The following PPFIA1 variants were observed in gnomAD, a reference collection of about 807,000 sequenced individuals.
PPFIA1 encodes PPFI scaffold protein A1, also known as liprin-alpha-1.
In PPFIA1, 25 loss-of-function variants were observed where a neutral mutation model predicts 149.9. That is an observed-to-expected ratio of 0.17 (90% CI 0.12 to 0.23). The LOEUF (loss-of-function observed/expected upper bound fraction) is 0.23, where lower values mean the gene tolerates loss of function less well. Among genes scored for constraint, PPFIA1 ranks in the 10% least tolerant of loss-of-function variants. The pLI is 1.00. For missense variants in PPFIA1, 1,362 were observed against 1,506.5 expected, an observed-to-expected ratio of 0.90 and a Z score of 1.59; for synonymous variants, 549 against 552.8, an observed-to-expected ratio of 0.99 and a Z score of 0.10.
intron 14 of PPFIA1, among the ~76,000 whole-genome samples, chr11:70,341,346 A>G (rs1365884347): frequency 1.3e-5 from 2 of 151,920 alleles, no homozygotes; most frequent in Admixed American, 1.3e-4. Context: ...TGTTCAGTGT[A>G]TTGTTATGGA....
intron 11 of PPFIA1, 98 bp downstream of exon 11, chr11:70,335,792 C>T: frequency 1.4e-6 from 2 of 1,381,086 alleles, no homozygotes; most frequent in South Asian, 2.5e-5. Context: ...TGGTTAGCAG[C>T]TGTTACCGAA....
At chr11:70,280,791 C>G (rs2050716317) in intron 2 of PPFIA1, among the ~76,000 whole-genome samples, 1 of 152,168 alleles carries the variant, frequency 6.6e-6, no homozygotes, top group Non-Finnish European at 1.5e-5. Flanking sequence ...TGTTCTTAAA[C>G]TCCTGACCTC....
chr11:70,376,708 T>C, intron 25 of PPFIA1, 108 bp downstream of exon 25: 1 of 958,954 alleles, frequency 1.0e-6, no homozygotes, highest in South Asian at 1.4e-5. Context: ...ATCATGTAGC[T>C]AGGCAGTCTC....
chr11:70,296,359 G>T (rs1244989914), intron 2 of PPFIA1, among the ~76,000 whole-genome samples: 1 of 152,058 alleles, frequency 6.6e-6, no homozygotes, highest in African/African-American at 2.4e-5. Context: ...GTAGCGAGCC[G>T]AGATCACGCC....
chr11:70,280,108 A>G (rs1359062029), intron 2 of PPFIA1, among the ~76,000 whole-genome samples: 1 of 151,902 alleles, frequency 6.6e-6, no homozygotes, highest in Non-Finnish European at 1.5e-5. Context: ...GGGTTTTGCC[A>G]TGTTGCACAG....
At chr11:70,382,916 A>G (rs1591412537) in intron 27 of PPFIA1, 87 bp from the exon 28 acceptor site, 1 of 349,362 alleles carries the variant, frequency 2.9e-6, no homozygotes, top group Non-Finnish European at 5.3e-6. Flanking sequence ...TGTCGGGGGG[A>G]CGTTTGGGCC....
intron 11 of PPFIA1, 75 bp from the exon 12 acceptor site, chr11:70,337,290 T>TA: frequency 2.0e-6 from 2 of 1,000,914 alleles, no homozygotes; most frequent in South Asian, 1.8e-5. Context: ...TTTTTTTTTT[T>TA]AAACGAATAC....
Position 70,325,508 on chromosome 11 carries a change from G to A in PPFIA1, c.540G>A (p.Glu180=). The A allele has an allele frequency of 1.3e-6, 2 of 1,585,252 alleles. No individual in the cohort carries two copies. The highest frequency in any genetic ancestry group is 1.1e-5 in the South Asian group (1 of 90,490). Residue 180 remains glutamate, a synonymous_variant, in exon 5 of 28, where the codon GAG becomes GAA. Transcript: ENST00000253925. The part of the protein sequence containing the change: ...HHKALDEKVR[E]RLRVALERCS... The stretch of plus-strand genomic sequence containing the variant: ...ACCCCTTTTATTTTCAGGTGAGAGA[G>A]CGATTACGAGTAGCACTTGAAAGAT...
intron 2 of PPFIA1, among the ~76,000 whole-genome samples, chr11:70,318,372 G>A (rs373959155): frequency 1.3e-5 from 2 of 152,084 alleles, no homozygotes; most frequent in Non-Finnish European, 1.5e-5. Flanking sequence ...ACCCCATGTC[G>A]TCTGCCCTCT....
At chr11:70,328,687 CA>C (rs2054470022) in intron 7 of PPFIA1, among the ~76,000 whole-genome samples, 1 of 152,080 alleles carries the variant, frequency 6.6e-6, no homozygotes, top group African/African-American at 2.4e-5. Flanking sequence ...TTTACCCTCC[CA>C]CCAAGAGCAG....
intron 14 of PPFIA1, among the ~76,000 whole-genome samples, chr11:70,342,973 A>T (rs1453562306): frequency 2.3e-5 from 2 of 87,172 alleles, no homozygotes; most frequent in Non-Finnish European, 2.0e-5. Context: ...TTTGAGGCAG[A>T]GTCTCTTTCT....
At chr11:70,307,237 C>T (rs954389676) in intron 2 of PPFIA1, among the ~76,000 whole-genome samples, 2 of 152,110 alleles carry the variant, frequency 1.3e-5, no homozygotes, top group Non-Finnish European at 1.5e-5. Context: ...GGTATAGATG[C>T]ACAGGTATAG....
Position 70,348,403 on chromosome 11 carries a change from C to T in PPFIA1, c.2146C>T (p.Leu716=). ...CAGCCCAGCTCGGGAAGTGGACAGA[C>T]TGGGCGTCATGACCCTTGTACGTAT... is the stretch of plus-strand genomic sequence containing the variant. ...PHSPAREVDR[L]GVMTLLPPSR... The change falls in exon 16 of 28, where the codon CTG becomes TTG. Residue 716 remains leucine (L), a synonymous_variant. Coordinates refer to ENST00000253925, the MANE Select transcript of PPFIA1 (RefSeq NM_003626.5). 2 of 1,611,178 alleles carry T rather than the reference C, an allele frequency of 1.2e-6. No individual in the cohort carries two copies. The highest frequency in any genetic ancestry group is 1.7e-6 in the Non-Finnish European group (2 of 1,177,318).
chr11:70,379,719 C>T (rs905768021), intron 26 of PPFIA1, among the ~76,000 whole-genome samples: 1 of 151,954 alleles, frequency 6.6e-6, no homozygotes, highest in Non-Finnish European at 1.5e-5. Context: ...TCTCTATCAC[C>T]TGTATAAAAA....
chr11:70,294,469 G>A (rs1034676852), intron 2 of PPFIA1, among the ~76,000 whole-genome samples: 1 of 151,994 alleles, frequency 6.6e-6, no homozygotes, highest in African/African-American at 2.4e-5. Context: ...AATGGGGGAT[G>A]TAAATCCTAC....
intron 2 of PPFIA1, among the ~76,000 whole-genome samples, chr11:70,288,226 C>A (rs2051286652): frequency 6.6e-6 from 1 of 152,100 alleles, no homozygotes; most frequent in Non-Finnish European, 1.5e-5. Context: ...GTGCCGCCAC[C>A]ATGCCCGGCT....
chr11:70,326,680 G>C lies in PPFIA1; in HGVS notation c.792G>C (p.Arg264Ser). ...AAGAAATCATAAGTAAGCAGTCAAG[G>C]GAACAGAGCCAAATGAAAGAACGCC... ...ELQEIISKQS[R>S]EQSQMKERLA... Residue 264 changes from arginine to serine, a missense_variant, in exon 7 of 28, where the codon AGG (arginine) becomes AGC (serine). This residue lies in a region of PPFIA1 where 733 missense variants were observed against 744.1 expected (regional missense o/e 0.99). Coordinates refer to ENST00000253925, the MANE Select transcript of PPFIA1 (RefSeq NM_003626.5). 1.9e-6 allele frequency: 3 copies of C among 1,614,124 alleles called. No homozygotes were observed. The highest frequency in any genetic ancestry group is 2.5e-6 in the Non-Finnish European group (3 of 1,180,002).
At chr11:70,338,041 A>G (rs946569761) in intron 12 of PPFIA1, among the ~76,000 whole-genome samples, 5 of 152,244 alleles carry the variant, frequency 3.3e-5, no homozygotes, top group African/African-American at 9.6e-5. Flanking sequence ...GATGCACAGG[A>G]CGTGAATATT....
At chr11:70,285,409 C>T (rs901561792) in intron 2 of PPFIA1, among the ~76,000 whole-genome samples, 1 of 151,988 alleles carries the variant, frequency 6.6e-6, no homozygotes. Flanking sequence ...ATTAAAAACT[C>T]TTGCCGGGTG....
Sources: allele counts gnomAD v4.1 joint callset (sites outside exome capture counted in the v4.1 genomes callset), GRCh38; gene constraint gnomAD v4.1.1; regional missense constraint gnomAD v4.1.1; transcripts MANE v1.5; gene names NCBI Gene and HGNC (gene_info 2026-07-23, HGNC 2026-07-21).